The following SLA variants were observed in gnomAD, a reference collection of about 807,000 sequenced individuals.
SLA encodes Src like adaptor, also known as src-like-adapter.
A neutral mutation model predicts 30.3 loss-of-function variants in SLA; 16 were observed. The ratio of observed to expected loss-of-function variants is 0.53; its 90% confidence interval spans 0.36 to 0.80. SLA has a LOEUF of 0.80. Ranked by LOEUF, SLA falls within the 30% of genes least tolerant of loss-of-function variation. SLA has a pLI of 0.01. For synonymous variants in SLA, 143 were observed against 137.8 expected, an observed-to-expected ratio of 1.04 and a Z score of -0.26; for missense variants, 310 against 345.2, an observed-to-expected ratio of 0.90 and a Z score of 0.81.
intron 2 of SLA, among the ~76,000 whole-genome samples, chr8:133,074,027 G>A (rs4736429): frequency 0.2 from 30,657 of 152,034 alleles, 3,403 homozygotes; most frequent in Non-Finnish European, 0.25. Context: ...GACATTCTGA[G>A]GCCAAAGCTC....
intron 6 of SLA, 57 bp from the exon 7 acceptor site, chr8:133,045,172 CA>C: frequency 6.3e-7 from 1 of 1,595,176 alleles, no homozygotes; most frequent in Admixed American, 1.7e-5. Context: ...CCAAGGCACC[CA>C]GCTAACCAGC....
intron 2 of SLA, among the ~76,000 whole-genome samples, chr8:133,067,790 G>A (rs571971313): frequency 0.024 from 3,359 of 142,436 alleles, 139 homozygotes; most frequent in African/African-American, 0.083. Flanking sequence ...AAGAAAGAAA[G>A]AAAAAGAAAG....
chr8:133,050,908 A>T lies in SLA; in HGVS notation c.69T>A (p.Asp23Glu), dbSNP rs756605930. 3.7e-6 allele frequency: 6 copies of T among 1,611,228 alleles called. No individual in the cohort carries two copies. The East Asian group carries it at 1.1e-4, about 30-fold the overall frequency. Reference protein sequence around the residue: ...ERPLPNPEGLDSDFLAVLSDY... With the variant: ...ERPLPNPEGLESDFLAVLSDY... ...CACTTAGCACGGCAAGGAAGTCGCT[A>T]TCCAGTCCTGGGGAAACAAAGGCAA... Residue 23 changes from aspartate (D) to glutamate (E), a missense_variant, in exon 4 of 9, where the codon GAT becomes GAA. Coordinates refer to ENST00000338087, the MANE Select transcript of SLA (RefSeq NM_001045556.3).
intron 1 of SLA, among the ~76,000 whole-genome samples, chr8:133,098,899 C>A (rs1035809709): frequency 6.6e-6 from 1 of 152,174 alleles, no homozygotes; most frequent in Non-Finnish European, 1.5e-5. Context: ...GGTTCAAGCA[C>A]GGTCCCAGGA....
chr8:133,051,620 G>A (rs1384985449), intron 3 of SLA, among the ~76,000 whole-genome samples: 1 of 152,178 alleles, frequency 6.6e-6, no homozygotes, highest in Non-Finnish European at 1.5e-5. Context: ...AAGGAATTCT[G>A]GTGAAGTTTT....
chr8:133,072,582 C>T (rs1844231713), intron 2 of SLA, among the ~76,000 whole-genome samples: 1 of 152,174 alleles, frequency 6.6e-6, no homozygotes, highest in South Asian at 2.1e-4. Flanking sequence ...AAGTTTCAGC[C>T]TCTCTCAGAG....
Position 133,086,715 on chromosome 8 carries a change from A to T in SLA, c.-318-11585T>A, listed in dbSNP as rs561848686. ...ATTTATTAAATATTTACAATTTGTA[A>T]TGCACCATACTGTTACAGGAAAACT... On this transcript the variant is annotated intron_variant, in intron 1 of 8. Coordinates refer to ENST00000338087, the MANE Select transcript of SLA (RefSeq NM_001045556.3). Among the ~76,000 whole-genome samples the T allele has an allele frequency of 5.3e-5, 8 of 152,318 alleles. No individual in the cohort carries two copies. The South Asian group carries it at 1.4e-3, about 28-fold the overall frequency.
chr8:133,070,022 AAAAAG>A (rs1564149169), intron 2 of SLA, among the ~76,000 whole-genome samples: 4 of 92,802 alleles, frequency 4.3e-5, no homozygotes, highest in South Asian at 2.7e-4. Context: ...AAAAAAAAAA[AAAAAG>A]AAAGAAAGAA....
At chr8:133,067,701 G>A (rs1348250043) in intron 2 of SLA, among the ~76,000 whole-genome samples, 6 of 151,854 alleles carry the variant, frequency 4.0e-5, no homozygotes, top group Non-Finnish European at 7.4e-5. Context: ...ACTTGAACCC[G>A]TGAGGCAGAG....
rs1837541912 is a variant in SLA at position 133,038,655 on chromosome 8, C to A, written c.700G>T (p.Ala234Ser). 3 of 1,613,732 alleles carry A rather than the reference C, an allele frequency of 1.9e-6. No homozygotes were observed. Among genetic ancestry groups the A allele is most frequent in the South Asian group, 1.1e-5 (1 of 91,066 alleles). ...TCACTGGTCAGGGACAGGTAAGAGG[C>A]AATGCTCTCTCGAAGGCCATAGCTG... ...LFSYGLRESI[A>S]SYLSLTSEDN... Residue 234 changes from alanine (A) to serine (S), a missense_variant, in exon 9 of 9, where the codon GCC becomes TCC. Transcript: ENST00000338087.
intron 3 of SLA, among the ~76,000 whole-genome samples, chr8:133,052,343 C>G (rs1840570125): frequency 6.6e-6 from 1 of 152,142 alleles, no homozygotes; most frequent in Non-Finnish European, 1.5e-5. Context: ...GAAGCTGAGT[C>G]CCTGACAATA....
chr8:133,044,262 T>C (rs1016576103), intron 7 of SLA, among the ~76,000 whole-genome samples: 9 of 152,112 alleles, frequency 5.9e-5, no homozygotes, highest in Admixed American at 5.9e-4. Flanking sequence ...CCTTTCACAG[T>C]ATAACTCAAC....
At chr8:133,077,680 G>A (rs956955624) in intron 1 of SLA, among the ~76,000 whole-genome samples, 3 of 152,030 alleles carry the variant, frequency 2.0e-5, no homozygotes, top group Non-Finnish European at 2.9e-5. Context: ...AACCCCAAGC[G>A]GGGTCTCAGC....
Position 133,070,029 on chromosome 8 carries a change from A to AAAAC in SLA, c.-41+4823_-41+4824insGTTT, listed in dbSNP as rs376711807. 5.1e-4 allele frequency among the ~76,000 whole-genome samples: 56 copies of AAAAC among 109,786 alleles called. 10 individuals carry two copies. Among genetic ancestry groups the AAAAC allele is most frequent in the African/African-American group, 8.5e-4 (22 of 25,814 alleles). The allele number at this position is 109,786 out of a possible 152,430, so 72.0% of individuals were successfully genotyped here. A position where few individuals can be genotyped will look rare whatever the true frequency, so the allele number is the denominator to read the frequency against. Reference sequence around the variant, plus strand: ...AAAAAAAAAAAAAAAAAAAAAAAGAAAGAAAGAAAGAAAAGAAAAGAAGAA... The same window carrying AAAAC: ...AAAAAAAAAAAAAAAAAAAAAAAGAAAAACAGAAAGAAAGAAAAGAAAAGAAGAA... On this transcript the variant is annotated intron_variant, in intron 2 of 8. Transcript: ENST00000338087.
intron 2 of SLA, among the ~76,000 whole-genome samples, chr8:133,062,218 C>T (rs1294942172): frequency 6.6e-6 from 1 of 152,200 alleles, no homozygotes; most frequent in East Asian, 1.9e-4. Flanking sequence ...CTACCCTCCT[C>T]ACAAACCAGA....
At chr8:133,084,488 G>A (rs1259158560) in intron 1 of SLA, among the ~76,000 whole-genome samples, 1 of 152,156 alleles carries the variant, frequency 6.6e-6, no homozygotes, top group African/African-American at 2.4e-5. Context: ...ATCACTCATG[G>A]TGTCACTTTT....
intron 1 of SLA, among the ~76,000 whole-genome samples, chr8:133,082,106 A>ATGTGGTG (rs1340831436): frequency 6.6e-6 from 1 of 152,174 alleles, no homozygotes; most frequent in African/African-American, 2.4e-5. Flanking sequence ...CTTCCCATGT[A>ATGTGGTG]TGTGGTGTAT....
At chr8:133,082,146 G>A (rs1845844222) in intron 1 of SLA, among the ~76,000 whole-genome samples, 1 of 152,154 alleles carries the variant, frequency 6.6e-6, no homozygotes, top group East Asian at 1.9e-4. Context: ...TGGTGTTGGT[G>A]GTGTTGGGTG....
intron 2 of SLA, among the ~76,000 whole-genome samples, chr8:133,067,914 GGA>G (rs541078720): frequency 1.4e-4 from 3 of 20,804 alleles, no homozygotes; most frequent in East Asian, 8.1e-4. Context: ...AAGGAAGGAA[GGA>G]AAGAGAGAGA....
Sources: gnomAD v4.1 joint callset for allele counts (sites outside exome capture counted in the v4.1 genomes callset) on GRCh38, gnomAD v4.1.1 for gene constraint, MANE v1.5 for transcripts, NCBI Gene and HGNC (gene_info 2026-07-23, HGNC 2026-07-21) for gene names.